SLC5A8: variants seen among roughly 807,000 people sequenced by gnomAD.
SLC5A8 encodes solute carrier family 5 member 8, also known as sodium-coupled monocarboxylate transporter 1.
Under a neutral mutation model 71.9 loss-of-function variants are expected in SLC5A8, and 55 were observed. The ratio of observed to expected loss-of-function variants is 0.77; its 90% confidence interval spans 0.62 to 0.96. The LOEUF (loss-of-function observed/expected upper bound fraction) is 0.96, where lower values mean the gene tolerates loss of function less well. SLC5A8 is among the 40% of genes least tolerant of loss of function. The pLI, the probability that SLC5A8 is intolerant of heterozygous loss-of-function variation, is 0.00. For synonymous variants in SLC5A8, 307 were observed against 276.1 expected (o/e 1.11, Z -1.11); for missense variants, 701 against 745.3 (o/e 0.94, Z 0.69).
At chr12:101,184,531 A>C (rs1227856437) in intron 7 of SLC5A8, among the ~76,000 whole-genome samples, 2 of 152,214 alleles carry the variant, frequency 1.3e-5, no homozygotes, top group African/African-American at 4.8e-5. Context: ...TGTAAAAGTT[A>C]ATTTAGATAA....
chr12:101,198,315 G>A (rs964668120), intron 3 of SLC5A8, among the ~76,000 whole-genome samples: 2 of 151,714 alleles, frequency 1.3e-5, no homozygotes, highest in Admixed American at 6.6e-5. Context: ...ACAAATTAAT[G>A]AAATAGAAAA....
At chr12:101,194,118 T>C (rs953192568) in intron 4 of SLC5A8, among the ~76,000 whole-genome samples, 3 of 152,004 alleles carry the variant, frequency 2.0e-5, no homozygotes, top group Admixed American at 2.0e-4. Context: ...GGAAGAAAAA[T>C]CCGAGTCAAA....
At chr12:101,164,844 T>G (rs2137124095) in intron 12 of SLC5A8, among the ~76,000 whole-genome samples, 1 of 152,316 alleles carries the variant, frequency 6.6e-6, no homozygotes, top group Middle Eastern at 3.4e-3. Context: ...TCATTTTCTG[T>G]GACAAGAATG....
At chr12:101,181,750 A>G (rs376685790) in intron 9 of SLC5A8, among the ~76,000 whole-genome samples, 1 of 152,086 alleles carries the variant, frequency 6.6e-6, no homozygotes, top group Non-Finnish European at 1.5e-5. Flanking sequence ...CAGTCTAAAA[A>G]CCCTTTAGGA....
intron 9 of SLC5A8, among the ~76,000 whole-genome samples, chr12:101,182,044 T>G (rs760473452): frequency 3.3e-5 from 5 of 152,190 alleles, no homozygotes; most frequent in African/African-American, 1.2e-4. Flanking sequence ...ATGCAGTACA[T>G]TGGCAAGATT....
chr12:101,196,391 C>T (rs1171185839), intron 3 of SLC5A8, among the ~76,000 whole-genome samples: 1 of 151,908 alleles, frequency 6.6e-6, no homozygotes, highest in East Asian at 1.9e-4. Flanking sequence ...AGTACATATA[C>T]TAAAATTAAA....
Position 101,182,850 on chromosome 12 carries a change from A to T in SLC5A8, c.1118T>A (p.Phe373Tyr). 1 of 1,596,178 alleles carries T rather than the reference A, an allele frequency of 6.3e-7. No individual in the cohort carries two copies. Among genetic ancestry groups the T allele is most frequent in the Non-Finnish European group, 8.5e-7 (1 of 1,173,548 alleles). The part of the protein sequence containing the change: ...VTVEDLIKPY[F>Y]RSLSERSLSW... ...CAGAGACCTTTCTGAGAGCGATCTG[A>T]AGTAAGGTTTGATTAGATCTTCCAC... is the stretch of plus-strand genomic sequence containing the variant. The change falls in exon 9 of 15, where the codon TTC becomes TAC. Residue 373 changes from phenylalanine to tyrosine, a missense_variant. Transcript: ENST00000536262.
chr12:101,178,122 T>C (rs1818508), intron 10 of SLC5A8, among the ~76,000 whole-genome samples: 33,836 of 152,022 alleles, frequency 0.22, 4,152 homozygotes, highest in East Asian at 0.53. Context: ...ATTGAACACA[T>C]AGACATCAAC....
chr12:101,179,787 G>A (rs971076007), intron 10 of SLC5A8, among the ~76,000 whole-genome samples: 3 of 152,138 alleles, frequency 2.0e-5, no homozygotes, highest in African/African-American at 7.2e-5. Flanking sequence ...TGTTACCACT[G>A]AGGGAAACTG....
intron 6 of SLC5A8, among the ~76,000 whole-genome samples, chr12:101,188,976 G>T (rs1009549449): frequency 1.3e-5 from 2 of 152,140 alleles, no homozygotes; most frequent in South Asian, 4.1e-4. Flanking sequence ...TTTTAGCAGG[G>T]ATTCATTCTT....
Position 101,209,499 on chromosome 12 carries a change from T to G in SLC5A8, c.350A>C (p.Glu117Ala). ...FYKLGITSTY[E>A]YLELRFNKCV... ...GTCCCAGCCCACCCTGCCCCTTACC[T>G]CGTAGGTGCTGGTAATTCCCAGTTT... The change falls in exon 1 of 15, where the codon GAG (glutamate) becomes GCG (alanine). Residue 117 changes from glutamate to alanine, a missense_variant and splice_region_variant. Transcript: ENST00000536262. 8.0e-6 allele frequency: 8 copies of G among 996,926 alleles called. No individual in the cohort carries two copies. Among genetic ancestry groups the G allele is most frequent in the Non-Finnish European group, 1.0e-5 (7 of 681,582 alleles). The allele number at this position is 996,926 out of a possible 1,614,324, so 61.8% of individuals were successfully genotyped here.
At chr12:101,168,506 C>T (rs574919884) in intron 10 of SLC5A8, among the ~76,000 whole-genome samples, 2 of 152,294 alleles carry the variant, frequency 1.3e-5, no homozygotes, top group Non-Finnish European at 2.9e-5. Context: ...ATTGCTCTTG[C>T]AGGTGTTTAT....
intron 10 of SLC5A8, among the ~76,000 whole-genome samples, chr12:101,170,608 A>G (rs1045308568): frequency 2.6e-5 from 4 of 152,186 alleles, no homozygotes; most frequent in African/African-American, 9.7e-5. Context: ...CTCTCTCTAG[A>G]CACAGGGCCA....
intron 13 of SLC5A8, among the ~76,000 whole-genome samples, chr12:101,160,386 G>C (rs1437674375): frequency 1.3e-5 from 2 of 151,560 alleles, no homozygotes; most frequent in Non-Finnish European, 3.0e-5. Context: ...AGAAGTTTGA[G>C]AGACAGTGCT....
chr12:101,190,249 T>C (rs557545742), intron 6 of SLC5A8, among the ~76,000 whole-genome samples: 10 of 152,238 alleles, frequency 6.6e-5, no homozygotes, highest in Non-Finnish European at 1.3e-4. Context: ...TAAATGCTGA[T>C]TTGTTTTCAT....
At chr12:101,208,036 T>C (rs1398009543) in intron 1 of SLC5A8, among the ~76,000 whole-genome samples, 1 of 152,090 alleles carries the variant, frequency 6.6e-6, no homozygotes, top group African/African-American at 2.4e-5. Flanking sequence ...ACCAGCCTTT[T>C]GAGTTCTCGA....
At chr12:101,168,031 A>G (rs1333510638) in intron 11 of SLC5A8, 65 bp downstream of exon 11, 2 of 1,435,782 alleles carry the variant, frequency 1.4e-6, no homozygotes, top group African/African-American at 1.4e-5. Context: ...AACTGAGAAA[A>G]AAGTGTAGAG....
Position 101,168,195 on chromosome 12 carries a change from T to C in SLC5A8, c.1234-13A>G. Reference sequence around the variant, plus strand: ...CGCTGAGTGCTGCCTACAAAAATAATACAACGTCAGCAATTAGCAATCTCA... The same window carrying C: ...CGCTGAGTGCTGCCTACAAAAATAACACAACGTCAGCAATTAGCAATCTCA... On this transcript the variant is annotated splice_polypyrimidine_tract_variant and intron_variant, in intron 10 of 14. Transcript: ENST00000536262. 6.3e-7 allele frequency: 1 copy of C among 1,588,186 alleles called. No individual in the cohort carries two copies. The highest frequency in any genetic ancestry group is 2.3e-5 in the East Asian group (1 of 44,314).
At chr12:101,163,686 A>G (rs1413040500) in intron 12 of SLC5A8, among the ~76,000 whole-genome samples, 1 of 152,164 alleles carries the variant, frequency 6.6e-6, no homozygotes, top group East Asian at 1.9e-4. Flanking sequence ...AAACAATGAG[A>G]ACTTGAGGTG....
Sources: allele counts gnomAD v4.1 joint callset (sites outside exome capture counted in the v4.1 genomes callset), GRCh38; gene constraint gnomAD v4.1.1; transcripts MANE v1.5; gene names NCBI Gene and HGNC (gene_info 2026-07-23, HGNC 2026-07-21).